Variants in FYN observed in about 807,000 individuals in gnomAD.
The protein encoded by FYN is tyrosine-protein kinase Fyn.
In FYN, 10 loss-of-function variants were observed where a neutral mutation model predicts 70.2. That is an observed-to-expected ratio of 0.14 (90% CI 0.09 to 0.24). The LOEUF is 0.24. FYN is among the 10% of genes least tolerant of loss of function. The probability of loss-of-function intolerance (pLI) is 1.00; values close to 1 mark genes in which losing one functional copy is unlikely to be tolerated. For missense variants in FYN, 319 were observed against 673.1 expected, an observed-to-expected ratio of 0.47 and a Z score of 5.82; for synonymous variants, 236 against 248.6, an observed-to-expected ratio of 0.95 and a Z score of 0.48.
intron 1 of FYN, among the ~76,000 whole-genome samples, chr6:111,847,498 G>C (rs1309669463): frequency 6.6e-6 from 1 of 152,134 alleles, no homozygotes; most frequent in Non-Finnish European, 1.5e-5. Context: ...AATATGTTAG[G>C]GCAGAGAGCT....
At chr6:111,731,070 C>T (rs1801426514) in intron 3 of FYN, among the ~76,000 whole-genome samples, 1 of 152,124 alleles carries the variant, frequency 6.6e-6, no homozygotes, top group Non-Finnish European at 1.5e-5. Flanking sequence ...TTTGAATAGG[C>T]GTCATCAATG....
At chr6:111,775,428 G>A (rs565015253) in intron 3 of FYN, among the ~76,000 whole-genome samples, 20 of 152,304 alleles carry the variant, frequency 1.3e-4, no homozygotes, top group Non-Finnish European at 2.6e-4. Flanking sequence ...GTGATACAAT[G>A]ACTGTGGAAA....
chr6:111,781,687 G>A lies in FYN; in HGVS notation c.-81-1052C>T, dbSNP rs187700265. Reference sequence around the variant, plus strand: ...AGGCCTGGCCATTGTCAAGGGCAGGGGCTCTTTACCTTTTGTGCTATGGCA... The same window carrying A: ...AGGCCTGGCCATTGTCAAGGGCAGGAGCTCTTTACCTTTTGTGCTATGGCA... On this transcript the variant is annotated intron_variant, in intron 2 of 13. Transcript: ENST00000354650. Among the ~76,000 whole-genome samples, 39 of 152,230 alleles carry A rather than the reference G, an allele frequency of 2.6e-4. No homozygotes were observed. The East Asian group carries it at 6.6e-3, about 26-fold the overall frequency.
chr6:111,782,156 T>A (rs1771199807), intron 2 of FYN, among the ~76,000 whole-genome samples: 1 of 152,250 alleles, frequency 6.6e-6, no homozygotes, highest in Non-Finnish European at 1.5e-5. Flanking sequence ...TATTATCTTA[T>A]GCCTCTTTAT....
Position 111,704,400 on chromosome 6 carries a change from C to G in FYN, c.444-298G>C, listed in dbSNP as rs534837672. Among the ~76,000 whole-genome samples the G allele has an allele frequency of 3.9e-5, 6 of 152,298 alleles. No individual in the cohort carries two copies. The East Asian group carries it at 1.2e-3, about 29-fold the overall frequency. ...AAAACTGCCACCTGTATGCAAAAAA[C>G]CAGAAATCTAAGACCTTGATTTGAA... On this transcript the variant is annotated intron_variant, in intron 6 of 13. Coordinates refer to ENST00000354650, the MANE Select transcript of FYN (RefSeq NM_002037.5).
chr6:111,775,011 A>C (rs531594939), intron 3 of FYN, among the ~76,000 whole-genome samples: 1 of 152,104 alleles, frequency 6.6e-6, no homozygotes, highest in African/African-American at 2.4e-5. Context: ...GCGCCACTGC[A>C]CCCAGCTAGC....
intron 2 of FYN, among the ~76,000 whole-genome samples, chr6:111,810,842 C>T (rs1159595287): frequency 2.0e-5 from 3 of 152,210 alleles, no homozygotes; most frequent in Admixed American, 1.3e-4. Context: ...TCCTTACACT[C>T]GCGCTTTGCT....
chr6:111,694,856 G>A lies in FYN; in HGVS notation c.1043-152C>T. ...ACAAAAAGGTTTATATAAAAAAGCA[G>A]GGTAGAAAAAAGTATAGGCATGGAG... On this transcript the variant is annotated intron_variant, in intron 10 of 13. Coordinates refer to ENST00000354650, the MANE Select transcript of FYN (RefSeq NM_002037.5). This position sits in a 1 kb window ranked among gnomAD's most constrained non-coding sequence, Gnocchi z 5.0. 1.5e-6 allele frequency: 1 copy of A among 658,704 alleles called. No individual in the cohort carries two copies. The highest frequency in any genetic ancestry group is 2.5e-6 in the Non-Finnish European group (1 of 394,738). 40.8% of individuals were successfully genotyped at this position (658,704 alleles called of 1,614,324 possible). A position where few individuals can be genotyped will look rare whatever the true frequency, so the allele number is the denominator to read the frequency against.
At chr6:111,730,508 T>A (rs1801399150) in intron 3 of FYN, among the ~76,000 whole-genome samples, 1 of 152,198 alleles carries the variant, frequency 6.6e-6, no homozygotes, top group Admixed American at 6.5e-5. Flanking sequence ...ACGCATGGGC[T>A]TGGCTCTAGG....
At chr6:111,723,620 C>A (rs938523925) in intron 3 of FYN, among the ~76,000 whole-genome samples, 1 of 152,308 alleles carries the variant, frequency 6.6e-6, no homozygotes, top group South Asian at 2.1e-4. Flanking sequence ...CTTTCTCCCC[C>A]GTGGGGCAGT....
In FYN at chr6:111,833,589, A is replaced by G. The variant is rs539709231; in HGVS notation, c.-82+13000T>C. On this transcript the variant is annotated intron_variant, in intron 2 of 13. Coordinates refer to ENST00000354650, the MANE Select transcript of FYN (RefSeq NM_002037.5). ...CTACTCCCTGATGACAATGTGACCC[A>G]CAGTCCACACAAGCTAACCTTTCAT... is the stretch of plus-strand genomic sequence containing the variant. Among the ~76,000 whole-genome samples, 202 of 152,342 alleles carry G rather than the reference A, an allele frequency of 1.3e-3. 2 individuals are homozygous for G. Among genetic ancestry groups the G allele is most frequent in the Non-Finnish European group, 2.3e-3 (154 of 68,022 alleles).
intron 2 of FYN, among the ~76,000 whole-genome samples, chr6:111,811,716 C>T (rs76814439): frequency 0.046 from 6,998 of 152,186 alleles, 188 homozygotes; most frequent in East Asian, 0.14. Context: ...AAGTTGTAGC[C>T]TGGTTTAAAA....
At chr6:111,712,320 G>C (rs901702543) in intron 5 of FYN, among the ~76,000 whole-genome samples, 11 of 152,178 alleles carry the variant, frequency 7.2e-5, no homozygotes, top group African/African-American at 1.9e-4. Flanking sequence ...GGGAGGCTAA[G>C]GGGCGGAGGA....
In FYN at chr6:111,769,163, T is replaced by G. The variant is rs1273636960; in HGVS notation, c.-12+11403A>C. Among the ~76,000 whole-genome samples, 5 of 152,326 alleles carry G rather than the reference T, an allele frequency of 3.3e-5. 1 individual carries two copies. The East Asian group carries it at 9.6e-4, about 29-fold the overall frequency. On this transcript the variant is annotated intron_variant, in intron 3 of 13. Coordinates refer to ENST00000354650, the MANE Select transcript of FYN (RefSeq NM_002037.5). ...ACTGAAGGGAATGTAAGAAAATTCA[T>G]TTGTATTACAAGAGGGCTGGCTTTG...
intron 3 of FYN, among the ~76,000 whole-genome samples, chr6:111,776,607 C>A (rs1340298731): frequency 6.6e-6 from 1 of 152,170 alleles, no homozygotes; most frequent in African/African-American, 2.4e-5. Context: ...TATTACACCA[C>A]AGCTTTTGGT....
At chr6:111,781,827 T>C (rs1187239113) in intron 2 of FYN, among the ~76,000 whole-genome samples, 1 of 152,208 alleles carries the variant, frequency 6.6e-6, no homozygotes, top group Non-Finnish European at 1.5e-5. Context: ...TTTGACAAAA[T>C]TGTTATGAAC....
chr6:111,703,112 C>G, intron 7 of FYN, 78 bp from the exon 8 acceptor site: 1 of 1,372,722 alleles, frequency 7.3e-7, no homozygotes, highest in South Asian at 1.3e-5. Context: ...TTTCTTGACT[C>G]TGATTAATAA....
At chr6:111,688,323 A>G (rs1799122211) in intron 12 of FYN, among the ~76,000 whole-genome samples, 1 of 152,182 alleles carries the variant, frequency 6.6e-6, no homozygotes. Flanking sequence ...TGGAGTGTGC[A>G]AGGAATATCA....
chr6:111,719,409 A>G (rs1331083276), intron 4 of FYN, among the ~76,000 whole-genome samples: 1 of 152,118 alleles, frequency 6.6e-6, no homozygotes, highest in Non-Finnish European at 1.5e-5. Context: ...ACACACACCC[A>G]GACCCAGTCC....
Sources: gnomAD v4.1 joint callset for allele counts (sites outside exome capture counted in the v4.1 genomes callset) on GRCh38, gnomAD v4.1.1 for gene constraint, Gnocchi (gnomAD v3.1) non-coding constraint, MANE v1.5 for transcripts, NCBI Gene and HGNC (gene_info 2026-07-23, HGNC 2026-07-21) for gene names.